WDSUB1: variants seen among roughly 807,000 people sequenced by gnomAD.
WDSUB1 encodes the protein WD repeat, sterile alpha motif and U-box domain containing 1.
In WDSUB1, 49 loss-of-function variants were observed where a neutral mutation model predicts 53.9. That is an observed-to-expected ratio of 0.91 (90% confidence interval 0.72 to 1.15). The LOEUF (loss-of-function observed/expected upper bound fraction) is 1.15, where lower values mean the gene tolerates loss of function less well. WDSUB1 is among the 50% of genes most tolerant of loss of function. The probability of loss-of-function intolerance (pLI) is 0.00; values close to 1 mark genes in which losing one functional copy is unlikely to be tolerated. For missense variants in WDSUB1, 514 were observed against 562.0 expected (o/e 0.91, Z 0.86); for synonymous variants, 194 against 200.6 (o/e 0.97, Z 0.28).
rs752249050 is a variant in WDSUB1 at position 159,282,960 on chromosome 2, T to C, written c.110A>G (p.Tyr37Cys). The change falls in exon 2 of 11, where the codon TAC becomes TGC. Residue 37 changes from tyrosine (Y) to cysteine (C), a missense_variant. Physicochemically the swap from Tyr to Cys is radical, Grantham distance 194. Transcript: ENST00000359774. ...CAGTTCAGTAAAGTCACGTAACGAGTACAGGCGAATTGTTTTGTCCAAGGA... is the reference window on the plus strand; with the variant it reads ...CAGTTCAGTAAAGTCACGTAACGAGCACAGGCGAATTGTTTTGTCCAAGGA... ...TCSLDKTIRL[Y>C]SLRDFTELPH... 2.5e-6 allele frequency: 4 copies of C among 1,614,070 alleles called. No homozygotes were observed. The highest frequency in any genetic ancestry group is 2.2e-5 in the South Asian group (2 of 91,080).
chr2:159,249,043 A>T (rs1234468184), intron 9 of WDSUB1, among the ~76,000 whole-genome samples: 1 of 152,240 alleles, frequency 6.6e-6, no homozygotes, highest in Non-Finnish European at 1.5e-5. Context: ...ATCAGCAGCT[A>T]ATAGCTCATT....
intron 10 of WDSUB1, 80 bp from the exon 11 acceptor site, chr2:159,236,270 T>C: frequency 7.2e-7 from 1 of 1,394,200 alleles, no homozygotes; most frequent in Non-Finnish European, 9.7e-7. Flanking sequence ...ATGTAAAAAC[T>C]CCCTGCAGAG....
intron 5 of WDSUB1, among the ~76,000 whole-genome samples, chr2:159,266,869 G>C (rs2061357496): frequency 1.3e-5 from 2 of 152,286 alleles, no homozygotes; most frequent in Non-Finnish European, 1.5e-5. Context: ...CACTGCCTAG[G>C]CTCAAGCGAT....
At chr2:159,250,725 A>G (rs910865498) in intron 9 of WDSUB1, among the ~76,000 whole-genome samples, 2 of 152,210 alleles carry the variant, frequency 1.3e-5, no homozygotes, top group Non-Finnish European at 2.9e-5. Context: ...AAGGTGGAAA[A>G]TAAGAGTAGA....
intron 5 of WDSUB1, among the ~76,000 whole-genome samples, chr2:159,266,291 C>T (rs1194195463): frequency 6.6e-6 from 1 of 152,020 alleles, no homozygotes; most frequent in Non-Finnish European, 1.5e-5. Flanking sequence ...CGGGTTCACG[C>T]CACTCTCCTG....
chr2:159,236,689 A>T (rs1001610488), intron 10 of WDSUB1, among the ~76,000 whole-genome samples: 1 of 152,162 alleles, frequency 6.6e-6, no homozygotes, highest in Non-Finnish European at 1.5e-5. Flanking sequence ...ACCAAGTCTC[A>T]CACTGTTGCC....
chr2:159,247,782 C>T (rs968025244), intron 10 of WDSUB1, among the ~76,000 whole-genome samples: 1 of 149,174 alleles, frequency 6.7e-6, no homozygotes, highest in Non-Finnish European at 1.5e-5. Context: ...ATCATACAGC[C>T]ACAATGGGAT....
Position 159,248,312 on chromosome 2 carries a change from A to C in WDSUB1, c.1273+60T>G, listed in dbSNP as rs2060865750. ...TTAAGCAAACTTCTGAGAACTGTCT[A>C]AACTTTTTATTCATTTAGCACAAAA... On this transcript the variant is annotated intron_variant, in intron 10 of 10. Coordinates refer to ENST00000359774, the MANE Select transcript of WDSUB1 (RefSeq NM_001128212.3). 1.9e-6 allele frequency: 3 copies of C among 1,573,912 alleles called. No homozygotes were observed. The East Asian group carries it at 6.9e-5, about 36-fold the overall frequency.
chr2:159,241,424 T>C (rs1050653361), intron 10 of WDSUB1, among the ~76,000 whole-genome samples: 5 of 152,042 alleles, frequency 3.3e-5, no homozygotes, highest in Non-Finnish European at 7.4e-5. Context: ...TAGCCAGACA[T>C]GGTGGCACGT....
chr2:159,245,588 C>CCCCAGATAGACATAA, intron 10 of WDSUB1, among the ~76,000 whole-genome samples: 1 of 151,644 alleles, frequency 6.6e-6, no homozygotes, highest in Admixed American at 6.6e-5. Context: ...GGTAACCGGC[C>CCCCAGATAGACATAA]CCCAGATAGA....
At chr2:159,247,770 G>C (rs1268773636) in intron 10 of WDSUB1, among the ~76,000 whole-genome samples, 1 of 149,680 alleles carries the variant, frequency 6.7e-6, no homozygotes, top group Non-Finnish European at 1.5e-5. Context: ...CAAACACAAT[G>C]TATCATACAG....
At chr2:159,283,725 A>G (rs2061727575) in intron 1 of WDSUB1, among the ~76,000 whole-genome samples, 2 of 151,778 alleles carry the variant, frequency 1.3e-5, no homozygotes, top group Non-Finnish European at 2.9e-5. Flanking sequence ...GAGCTCACTC[A>G]TGCCCTCACC....
At chr2:159,281,812 C>T (rs1209301545) in intron 2 of WDSUB1, among the ~76,000 whole-genome samples, 11 of 152,052 alleles carry the variant, frequency 7.2e-5, no homozygotes, top group Admixed American at 7.2e-4. Flanking sequence ...CCAGTCTCTA[C>T]TAAAAATACA....
intron 5 of WDSUB1, among the ~76,000 whole-genome samples, chr2:159,265,564 C>T (rs972334275): frequency 1.3e-5 from 2 of 151,908 alleles, no homozygotes; most frequent in Non-Finnish European, 2.9e-5. Context: ...AAAACTTAGC[C>T]AAGCATGGTG....
At chr2:159,275,766 TTA>T (rs1359694680) in intron 3 of WDSUB1, 128 bp from the exon 4 acceptor site, 2 of 667,204 alleles carry the variant, frequency 3.0e-6, no homozygotes, top group African/African-American at 3.8e-5. Context: ...ATTAGTTAAC[TTA>T]TATCATTTAA....
intron 1 of WDSUB1, among the ~76,000 whole-genome samples, chr2:159,284,400 T>C (rs978296415): frequency 2.0e-5 from 3 of 152,212 alleles, no homozygotes; most frequent in Non-Finnish European, 4.4e-5. Context: ...AAGTATTTTC[T>C]ATTCTAATAA....
At chr2:159,273,880 AT>A (rs1449786814) in intron 4 of WDSUB1, among the ~76,000 whole-genome samples, 2 of 152,214 alleles carry the variant, frequency 1.3e-5, no homozygotes, top group African/African-American at 4.8e-5. Flanking sequence ...TCTATACACT[AT>A]AAACTAGGAT....
chr2:159,254,325 C>G (rs60544271), intron 9 of WDSUB1, among the ~76,000 whole-genome samples: 1 of 152,084 alleles, frequency 6.6e-6, no homozygotes, highest in Non-Finnish European at 1.5e-5. Flanking sequence ...ATTGGGAGGC[C>G]GAGCTGGGAG....
intron 5 of WDSUB1, among the ~76,000 whole-genome samples, chr2:159,263,590 G>C (rs1461480750): frequency 6.6e-6 from 1 of 152,138 alleles, no homozygotes; most frequent in East Asian, 1.9e-4. Flanking sequence ...CAAACCCAAT[G>C]CTTGGGGAAA....
Sources: gnomAD v4.1 joint callset for allele counts (sites outside exome capture counted in the v4.1 genomes callset) on GRCh38, gnomAD v4.1.1 for gene constraint, MANE v1.5 for transcripts, NCBI Gene and HGNC (gene_info 2026-07-23, HGNC 2026-07-21) for gene names.